Variants in SLC11A1 observed in about 807,000 individuals in gnomAD.
SLC11A1 encodes the protein natural resistance-associated macrophage protein 1.
Under a neutral mutation model 63.2 loss-of-function variants are expected in SLC11A1, and 59 were observed. That is an observed-to-expected ratio of 0.93 (90% CI 0.76 to 1.16). The LOEUF (loss-of-function observed/expected upper bound fraction) is 1.16. Ranked by LOEUF, SLC11A1 falls within the 50% of genes most tolerant of loss-of-function variation. The probability of loss-of-function intolerance (pLI) is 0.00; values close to 1 mark genes in which losing one functional copy is unlikely to be tolerated. For missense variants in SLC11A1, 688 were observed against 730.7 expected (o/e 0.94, Z 0.67); for synonymous variants, 305 against 307.8 (o/e 0.99, Z 0.09).
At chr2:218,388,362 T>A in intron 8 of SLC11A1, 3 of 136,820 alleles carry the variant, frequency 2.2e-5, no homozygotes, top group Non-Finnish European at 1.5e-5. Context: ...AGAGCGAGAC[T>A]CTGTCTCAAA....
rs1427272670 is a variant in SLC11A1, at chr2:218,386,642, G to GCACCGTC, written c.403_409dup (p.Leu137HisfsTer55). 5 of 1,612,776 alleles carry GCACCGTC rather than the reference G, an allele frequency of 3.1e-6. No homozygotes were observed. In the Admixed American group the frequency reaches 8.3e-5, roughly 27 times the overall value. ...ATCATCTCCTCCCCATAGGTGCCCC[G>GCACCGTC]CACCGTCCTCTGGCTGACCATCGAG... On this transcript the variant is annotated frameshift_variant, in exon 5 of 15. Transcript: ENST00000233202. LOFTEE classifies it high-confidence loss of function.
At position 218,385,166 on chromosome 2, in the gene SLC11A1, G is replaced by T; in HGVS notation, c.293G>T (p.Trp98Leu). The T allele has an allele frequency of 1.2e-6, 2 of 1,613,826 alleles. No homozygotes were observed. Among genetic ancestry groups the T allele is most frequent in the Non-Finnish European group, 1.7e-6 (2 of 1,179,856 alleles). ...TCACAGCTTCTCTGGGTGCTGCTCT[G>T]GGCCACCGTGTTGGGCTTGCTCTGC... ...AGFKLLWVLL[W>L]ATVLGLLCQR... Residue 98 changes from tryptophan to leucine, a missense_variant, in exon 4 of 15, where the codon TGG becomes TTG. Transcript: ENST00000233202.
intron 6 of SLC11A1, 80 bp from the exon 7 acceptor site, chr2:218,387,485 C>A: frequency 7.0e-7 from 1 of 1,427,268 alleles, no homozygotes; most frequent in East Asian, 2.3e-5. Flanking sequence ...TAGAAGCGCT[C>A]GTAGTATTAG....
Position 218,395,496 on chromosome 2 carries a change from T to TC in SLC11A1, c.*464dup, listed in dbSNP as rs1696708808. The TC allele has an allele frequency of 6.4e-6, 1 of 156,558 alleles. No homozygotes were observed. Among genetic ancestry groups the TC allele is most frequent in the South Asian group, 1.7e-4 (1 of 5,784 alleles). 9.7% of individuals were successfully genotyped at this position (156,558 alleles called of 1,614,324 possible). ...ATTTATTTGAGACAGGGAAAGGGTC[T>TC]CCCTCTGTTGCCAAGGCTGGAGTGC... On this transcript the variant is annotated 3_prime_UTR_variant, in exon 15 of 15. Coordinates refer to ENST00000233202, the MANE Select transcript of SLC11A1 (RefSeq NM_000578.4).
chr2:218,387,316 A>G (rs1696158031), intron 6 of SLC11A1, 86 bp downstream of exon 6: 1 of 1,286,280 alleles, frequency 7.8e-7, no homozygotes, highest in Non-Finnish European at 1.1e-6. Flanking sequence ...ACAGCCTGGG[A>G]GCGCACCTGA....
rs1331837635 is a variant in SLC11A1 at position 218,396,370 on chromosome 2, C to T, written c.*1335C>T. The T allele has an allele frequency of 6.6e-6, 1 of 152,508 alleles. No homozygotes were observed. The highest frequency in any genetic ancestry group is 2.4e-5 in the African/African-American group (1 of 41,482). The allele number at this position is 152,508 out of a possible 1,614,324, so 9.4% of individuals were successfully genotyped here. ...TCCAGCCTCGTCGGGTCCCTCAGAC[C>T]CCAGCCCAGGACCTGCGGAGGGCCG... On this transcript the variant is annotated 3_prime_UTR_variant, in exon 15 of 15. Transcript: ENST00000233202.
Position 218,391,303 on chromosome 2 carries a change from T to TGGGGG in SLC11A1, c.1044+20_1044+21insGGGGG. 1 of 293,172 alleles carries TGGGGG rather than the reference T, an allele frequency of 3.4e-6. No homozygotes were observed. Among genetic ancestry groups the TGGGGG allele is most frequent in the Non-Finnish European group, 6.9e-6 (1 of 145,634 alleles). The allele number at this position is 293,172 out of a possible 1,614,324, so 18.2% of individuals were successfully genotyped here. A position where few individuals can be genotyped will look rare whatever the true frequency, so the allele number is the denominator to read the frequency against. Reference sequence around the variant, plus strand: ...TTACCAGGGGGTGAGCGCGGGTGGGTGGGGAGGGCGTGACCCAGAGAGGCT... The same window carrying TGGGGG: ...TTACCAGGGGGTGAGCGCGGGTGGGTGGGGGGGGGAGGGCGTGACCCAGAGAGGCT... On this transcript the variant is annotated intron_variant, in intron 10 of 14. Coordinates refer to ENST00000233202, the MANE Select transcript of SLC11A1 (RefSeq NM_000578.4).
chr2:218,385,080 ACCAC>A, intron 3 of SLC11A1, 63 bp from the exon 4 acceptor site: 1 of 1,601,744 alleles, frequency 6.2e-7, no homozygotes, highest in Non-Finnish European at 8.5e-7. Flanking sequence ...GTTAGAGGGT[ACCAC>A]GAGCTCAGGG....
At position 218,389,892 on chromosome 2, in the gene SLC11A1, G is replaced by C. The variant is rs367760213; in HGVS notation, c.818G>C (p.Arg273Pro). The C allele has an allele frequency of 5.0e-6, 8 of 1,612,810 alleles. No individual in the cohort carries two copies. In the African/African-American group the frequency reaches 1.1e-4, roughly 22 times the overall value. The change falls in exon 9 of 15, where the codon CGC (arginine) becomes CCC (proline). Residue 273 changes from arginine to proline, a missense_variant. Coordinates refer to ENST00000233202, the MANE Select transcript of SLC11A1 (RefSeq NM_000578.4). ...TAGTCTCGAGAGATAGACCGGGCCC[G>C]CCGAGCAGACATCAGAGAAGCCAAC... Reference protein sequence around the residue: ...LVKSREIDRARRADIREANMY... With the variant: ...LVKSREIDRAPRADIREANMY...
chr2:218,385,287 C>T (rs1368339562), intron 4 of SLC11A1, 21 bp downstream of exon 4: 1 of 1,613,430 alleles, frequency 6.2e-7, no homozygotes. Context: ...GGGGCCTGGA[C>T]AGGGAGAACC....
intron 5 of SLC11A1, 124 bp downstream of exon 5, chr2:218,386,865 GCC>G: frequency 1.3e-6 from 1 of 747,802 alleles, no homozygotes; most frequent in Non-Finnish European, 2.3e-6. Context: ...CAGGGCTGCT[GCC>G]CTGTTTTCCA....
rs138239693 is a variant in SLC11A1, at chr2:218,387,572, G to A, written c.579G>A (p.Arg193=). 3 of 1,614,114 alleles carry A rather than the reference G, an allele frequency of 1.9e-6. No homozygotes were observed. The highest frequency in any genetic ancestry group is 2.5e-6 in the Non-Finnish European group (3 of 1,180,044). The change falls in exon 7 of 15, where the codon CGG becomes CGA. Residue 193 remains arginine (R), a synonymous_variant. Coordinates refer to ENST00000233202, the MANE Select transcript of SLC11A1 (RefSeq NM_000578.4). ...FFLFLDNYGL[R]KLEAFFGLLI... is the part of the protein sequence containing the mutation. The stretch of plus-strand genomic sequence containing the variant: ...GTTTGTTCTGCTCCGTAGGGCTGCG[G>A]AAGCTGGAAGCTTTTTTTGGACTCC...
chr2:218,391,682 T>G (rs1161720903), intron 11 of SLC11A1, 187 bp downstream of exon 11: 1 of 717,858 alleles, frequency 1.4e-6, no homozygotes, highest in Non-Finnish European at 2.2e-6. Context: ...TGGAGTGCAG[T>G]GGCGCGATCT....
intron 4 of SLC11A1, 160 bp downstream of exon 4, chr2:218,385,426 CGTCGCCCA>C (rs767203041): frequency 2.9e-5 from 30 of 1,023,652 alleles, no homozygotes; most frequent in Non-Finnish European, 4.4e-5. Context: ...AGTCTCGCTC[CGTCGCCCA>C]GTCAGGAGTG....
At chr2:218,386,995 C>T (rs1574766647) in intron 5 of SLC11A1, 165 bp from the exon 6 acceptor site, 3 of 696,196 alleles carry the variant, frequency 4.3e-6, no homozygotes, top group Non-Finnish European at 7.6e-6. Flanking sequence ...CTCTGCCCTG[C>T]CTCGACTGTT....
In SLC11A1 at chr2:218,394,969, C is replaced by T. The variant is rs1018885847; in HGVS notation, c.1587C>T (p.His529=). Residue 529 remains histidine (H), a synonymous_variant, in exon 15 of 15, where the codon CAC becomes CAT. Transcript: ENST00000233202. The stretch of plus-strand genomic sequence containing the variant: ...CCCACGGAGCCACCTTTCTGGCCCA[C>T]AGCTCCCACCACCACTTCCTGTATG... ...CLAHGATFLA[H]SSHHHFLYGL... The T allele has an allele frequency of 6.2e-7, 1 of 1,613,300 alleles. No individual in the cohort carries two copies. Among genetic ancestry groups the T allele is most frequent in the Non-Finnish European group, 8.5e-7 (1 of 1,179,766 alleles).
intron 9 of SLC11A1, 74 bp downstream of exon 9, chr2:218,390,102 G>A (rs1696344401): frequency 2.0e-6 from 3 of 1,492,570 alleles, no homozygotes; most frequent in African/African-American, 2.8e-5. Context: ...AGGACCCTAG[G>A]CAATGCAGCT....
In SLC11A1 at chr2:218,394,663, GTGC is replaced by G. The variant is rs1293466650; in HGVS notation, c.1422_1424del (p.Leu475del). 1.9e-6 allele frequency: 3 copies of G among 1,613,994 alleles called. No homozygotes were observed. The highest frequency in any genetic ancestry group is 2.5e-6 in the Non-Finnish European group (3 of 1,180,016). Reference sequence around the variant, plus strand: ...CAAGGTCGTCACCTCTTCCATCATGGTGCTAGTCTGCGCCATCAACCTCTACTT... The same window carrying G: ...CAAGGTCGTCACCTCTTCCATCATGGTAGTCTGCGCCATCAACCTCTACTT... On this transcript the variant is annotated inframe_deletion, in exon 14 of 15. Transcript: ENST00000233202.
rs780508015 is a variant in SLC11A1 at position 218,385,233 on chromosome 2, C to G, written c.360C>G (p.Asp120Glu). ...AARLGVVTGK[D>E]LGEVCHLYYP... is the part of the protein sequence containing the mutation. ...GTCTGGGCGTGGTGACAGGCAAGGA[C>G]TTGGGCGAGGTCTGCCATCTCTACT... Residue 120 changes from aspartate to glutamate, a missense_variant, in exon 4 of 15, where the codon GAC becomes GAG. By Grantham distance (45) the Asp-to-Glu change is conservative. Transcript: ENST00000233202. The G allele has an allele frequency of 2.5e-6, 4 of 1,614,020 alleles. No individual in the cohort carries two copies. Among genetic ancestry groups the G allele is most frequent in the Non-Finnish European group, 3.4e-6 (4 of 1,179,900 alleles).
Sources: allele counts gnomAD v4.1 joint callset, GRCh38; gene constraint gnomAD v4.1.1; transcripts MANE v1.5; gene names NCBI Gene and HGNC (gene_info 2026-07-23, HGNC 2026-07-21).